Variants in GABPA observed in about 807,000 individuals in gnomAD.
GABPA encodes the protein GA-binding protein alpha chain.
In GABPA, 4 loss-of-function variants were observed where a neutral mutation model predicts 59.4. That is an observed-to-expected ratio of 0.07 (90% CI 0.03 to 0.15). GABPA has a LOEUF of 0.15. Ranked by LOEUF, GABPA falls within the 10% of genes least tolerant of loss-of-function variation. The probability of loss-of-function intolerance (pLI) is 1.00; values close to 1 mark genes in which losing one functional copy is unlikely to be tolerated. For missense variants in GABPA, 251 were observed against 543.8 expected (o/e 0.46, Z 5.36); for synonymous variants, 164 against 183.1 (o/e 0.90, Z 0.84).
At chr21:25,738,590 C>T (rs552976979) in intron 1 of GABPA, among the ~76,000 whole-genome samples, 2 of 152,272 alleles carry the variant, frequency 1.3e-5, no homozygotes, top group African/African-American at 2.4e-5. Flanking sequence ...ATGTCCCCAC[C>T]ATTTTCTTCT....
At position 25,767,730 on chromosome 21, in the gene GABPA, G is replaced by A. The variant is rs375291980; in HGVS notation, c.1137-1274G>A. ...GGATGGCAAGGAATTGTTGGTTTAT[G>A]AGCTGAAATCCAAATTCTGTACTAA... On this transcript the variant is annotated intron_variant, in intron 9 of 9. Transcript: ENST00000400075. 1.3e-4 allele frequency among the ~76,000 whole-genome samples: 20 copies of A among 152,152 alleles called. 1 individual carries two copies. Among genetic ancestry groups the A allele is most frequent in the African/African-American group, 4.8e-4 (20 of 41,536 alleles).
chr21:25,761,486 T>G (rs1468028409), intron 6 of GABPA, among the ~76,000 whole-genome samples: 4 of 152,206 alleles, frequency 2.6e-5, no homozygotes, highest in Non-Finnish European at 5.9e-5. Context: ...CAGCTCTGCG[T>G]GTCTGGAACT....
chr21:25,761,024 G>A (rs2035753702), intron 6 of GABPA, among the ~76,000 whole-genome samples: 1 of 152,038 alleles, frequency 6.6e-6, no homozygotes, highest in African/African-American at 2.4e-5. Context: ...TTGAGGCTAG[G>A]TTCCTTTAGT....
chr21:25,767,770 A>G (rs1337761345), intron 9 of GABPA, among the ~76,000 whole-genome samples: 1 of 152,118 alleles, frequency 6.6e-6, no homozygotes, highest in East Asian at 1.9e-4. Context: ...ATTGACATAA[A>G]TGGAAACTAC....
intron 9 of GABPA, among the ~76,000 whole-genome samples, chr21:25,768,512 C>G (rs1037585086): frequency 1.3e-5 from 2 of 151,984 alleles, no homozygotes; most frequent in Non-Finnish European, 2.9e-5. Context: ...TCATTGTATA[C>G]TAAGCACTTT....
At chr21:25,741,748 A>C (rs1601111472) in intron 2 of GABPA, 73 bp downstream of exon 2, 1 of 942,028 alleles carries the variant, frequency 1.1e-6, no homozygotes, top group South Asian at 1.5e-5. Flanking sequence ...AACAAGTCAT[A>C]GTTCTTTTGG....
At chr21:25,757,761 A>G (rs767616573) in intron 5 of GABPA, among the ~76,000 whole-genome samples, 3 of 151,738 alleles carry the variant, frequency 2.0e-5, no homozygotes, top group Non-Finnish European at 2.9e-5. Flanking sequence ...TTTTCTTGAT[A>G]CAGTTCCAGC....
At chr21:25,740,597 T>C (rs2035195057) in intron 1 of GABPA, among the ~76,000 whole-genome samples, 1 of 152,244 alleles carries the variant, frequency 6.6e-6, no homozygotes, top group Admixed American at 6.5e-5. Flanking sequence ...TTTTTAAAAT[T>C]CTAATGTTTT....
In GABPA at chr21:25,745,351, C is replaced by T. The variant is rs1282810844; in HGVS notation, c.219C>T (p.Ile73=). Residue 73 remains isoleucine (I), a synonymous_variant, in exon 3 of 10, where the codon ATC becomes ATT. Coordinates refer to ENST00000400075, the MANE Select transcript of GABPA (RefSeq NM_002040.4). ...CTCATGAAATTTGTCTGCAAGATATCCAGGTAATTTTTATTTTTGTAAATT... is the reference window on the plus strand; with the variant it reads ...CTCATGAAATTTGTCTGCAAGATATTCAGGTAATTTTTATTTTTGTAAATT... The part of the protein sequence containing the change: ...LDAHEICLQD[I]QLDPERSLFD... The T allele has an allele frequency of 6.2e-7, 1 of 1,609,848 alleles. No individual in the cohort carries two copies. The highest frequency in any genetic ancestry group is 8.5e-7 in the Non-Finnish European group (1 of 1,178,876).
chr21:25,750,044 T>C (rs2035468935), intron 4 of GABPA, among the ~76,000 whole-genome samples: 1 of 152,190 alleles, frequency 6.6e-6, no homozygotes, highest in Non-Finnish European at 1.5e-5. Context: ...GTAGAATCAG[T>C]GGAAGCCTTG....
At chr21:25,752,417 C>A in intron 5 of GABPA, 183 bp downstream of exon 5, 1 of 658,608 alleles carries the variant, frequency 1.5e-6, no homozygotes, top group Non-Finnish European at 2.5e-6. Context: ...TTCTGTCCTG[C>A]GTGCAGGAAA....
At chr21:25,763,115 T>A (rs372020881) in intron 7 of GABPA, 6 of 476,816 alleles carry the variant, frequency 1.3e-5, no homozygotes, top group African/African-American at 6.1e-5. Context: ...CATCTCCATT[T>A]TCATGTCATC....
intron 9 of GABPA, among the ~76,000 whole-genome samples, chr21:25,768,274 C>G (rs1242736890): frequency 6.6e-6 from 1 of 151,916 alleles, no homozygotes; most frequent in African/African-American, 2.4e-5. Context: ...TCTGTATCCT[C>G]TGTTTCTTTT....
chr21:25,753,605 T>C (rs779033457), intron 5 of GABPA, among the ~76,000 whole-genome samples: 12 of 152,198 alleles, frequency 7.9e-5, no homozygotes, highest in Non-Finnish European at 1.3e-4. Context: ...CTGACTGATA[T>C]CTATTAAATT....
chr21:25,759,614 C>T (rs1373346078), intron 6 of GABPA, among the ~76,000 whole-genome samples: 1 of 152,008 alleles, frequency 6.6e-6, no homozygotes, highest in Non-Finnish European at 1.5e-5. Context: ...TTTTAAGTAT[C>T]TATGATACTA....
At chr21:25,741,103 A>C (rs1189920010) in intron 1 of GABPA, among the ~76,000 whole-genome samples, 1 of 152,160 alleles carries the variant, frequency 6.6e-6, no homozygotes. Context: ...TTTTTTAAAA[A>C]ATTAGTTTAT....
chr21:25,764,795 T>A lies in GABPA; in HGVS notation c.1136+8T>A. The A allele has an allele frequency of 6.6e-7, 1 of 1,519,430 alleles. No homozygotes were observed. The highest frequency in any genetic ancestry group is 2.4e-5 in the East Asian group (1 of 41,690). 94.1% of individuals were successfully genotyped at this position (1,519,430 alleles called of 1,614,324 possible). Reference sequence around the variant, plus strand: ...ACTCAGTCGTGCATTAAGGTAAGCCTTTATTACTTTTTTTTCTGTTATCAA... The same window carrying A: ...ACTCAGTCGTGCATTAAGGTAAGCCATTATTACTTTTTTTTCTGTTATCAA... On this transcript the variant is annotated splice_region_variant and intron_variant, in intron 9 of 9. Coordinates refer to ENST00000400075, the MANE Select transcript of GABPA (RefSeq NM_002040.4).
intron 5 of GABPA, among the ~76,000 whole-genome samples, chr21:25,754,593 C>CT: frequency 6.6e-6 from 1 of 152,048 alleles, no homozygotes; most frequent in South Asian, 2.1e-4. Context: ...TTTTCTCCTA[C>CT]TTCTCTGAGT....
chr21:25,769,205 T>C lies in GABPA; in HGVS notation c.1338T>C (p.Ala446=). Residue 446 remains alanine, a synonymous_variant, in exon 10 of 10, where the codon GCT becomes GCC. Transcript: ENST00000400075. ...TCACAGCAGTAGCTCTGGCTACTGCTTCTCTGCAAACGGAAAAGGATAATT... is the reference window on the plus strand; with the variant it reads ...TCACAGCAGTAGCTCTGGCTACTGCCTCTCTGCAAACGGAAAAGGATAATT... ...QPVTAVALAT[A]SLQTEKDN The C allele has an allele frequency of 6.2e-7, 1 of 1,601,956 alleles. No individual in the cohort carries two copies. Among genetic ancestry groups the C allele is most frequent in the Non-Finnish European group, 8.6e-7 (1 of 1,169,146 alleles).
Sources: allele counts gnomAD v4.1 joint callset (sites outside exome capture counted in the v4.1 genomes callset), GRCh38; gene constraint gnomAD v4.1.1; transcripts MANE v1.5; gene names NCBI Gene and HGNC (gene_info 2026-07-23, HGNC 2026-07-21).